MCPH1: variants seen among roughly 807,000 people sequenced by gnomAD.
MCPH1 encodes microcephalin 1.
A neutral mutation model predicts 84.5 loss-of-function variants in MCPH1; 104 were observed. That is an observed-to-expected ratio of 1.23 (90% CI 1.05 to 1.45). The LOEUF (loss-of-function observed/expected upper bound fraction) is 1.45, where lower values mean the gene tolerates loss of function less well. Among genes scored for constraint, MCPH1 ranks in the 40% most tolerant of loss-of-function variants. MCPH1 has a pLI of 0.00. For missense variants in MCPH1, 1,498 were observed against 1,005.7 expected, an observed-to-expected ratio of 1.49 and a Z score of -6.62; for synonymous variants, 514 against 366.8, an observed-to-expected ratio of 1.40 and a Z score of -4.58.
chr8:6,430,687 T>C (rs1801717484), intron 3 of MCPH1, among the ~76,000 whole-genome samples: 1 of 152,130 alleles, frequency 6.6e-6, no homozygotes, highest in South Asian at 2.1e-4. Flanking sequence ...TGAGGGATAG[T>C]TGGAGAGGTG....
At position 6,621,423 on chromosome 8, in the gene MCPH1, C is replaced by T. The variant is rs753955316; in HGVS notation, c.2215-31C>T. ...GCTATGGAGACTGGAGTGGTCCCAC[C>T]TCTGTAATTCTATCTCTGTCTGCCC... On this transcript the variant is annotated intron_variant, in intron 12 of 13. Transcript: ENST00000344683. The T allele has an allele frequency of 2.5e-6, 4 of 1,612,716 alleles. No homozygotes were observed. In the South Asian group the frequency reaches 3.3e-5, roughly 13 times the overall value.
chr8:6,606,515 G>A (rs112376594), intron 12 of MCPH1, among the ~76,000 whole-genome samples: 9 of 152,254 alleles, frequency 5.9e-5, no homozygotes, highest in African/African-American at 1.4e-4. Context: ...CCCTAGGTCC[G>A]GCAGCATAAA....
Position 6,520,411 on chromosome 8 carries a change from C to A in MCPH1, c.2214+20482C>A, listed in dbSNP as rs574456063. Among the ~76,000 whole-genome samples the A allele has an allele frequency of 2.0e-5, 3 of 152,242 alleles. No individual in the cohort carries two copies. In the South Asian group the frequency reaches 6.2e-4, roughly 32 times the overall value. ...ATCTGTATCATGACCCCATTGCCTG[C>A]CCCTTCAGGCCATTATCCCACTGAG... On this transcript the variant is annotated intron_variant, in intron 12 of 13. Transcript: ENST00000344683.
rs75521833 is a variant in MCPH1, at chr8:6,602,322, G to A, written c.2215-19132G>A. On this transcript the variant is annotated intron_variant, in intron 12 of 13. Transcript: ENST00000344683. ...GAGGGACCGTCCTTGCATTCTGTGCGGATTTCTATGGCAATGACATGGAGG... is the reference window on the plus strand; with the variant it reads ...GAGGGACCGTCCTTGCATTCTGTGCAGATTTCTATGGCAATGACATGGAGG... Among the ~76,000 whole-genome samples the A allele has an allele frequency of 7.1e-3, 1,079 of 152,314 alleles. 2 individuals carry two copies. The highest frequency in any genetic ancestry group is 8.7e-3 in the Non-Finnish European group (593 of 68,030).
At chr8:6,434,998 G>T (rs190571442) in intron 4 of MCPH1, among the ~76,000 whole-genome samples, 1 of 152,178 alleles carries the variant, frequency 6.6e-6, no homozygotes, top group Non-Finnish European at 1.5e-5. Context: ...GGCTGGGAAC[G>T]TGAGGTGTGT....
At chr8:6,626,999 G>C (rs1330929637) in intron 13 of MCPH1, 1 of 982,072 alleles carries the variant, frequency 1.0e-6, no homozygotes, top group African/African-American at 1.8e-5. Flanking sequence ...AAAAAAAAAA[G>C]TTTAGCCTCC....
intron 8 of MCPH1, among the ~76,000 whole-genome samples, chr8:6,448,676 A>T (rs1166898952): frequency 6.6e-6 from 1 of 152,140 alleles, no homozygotes; most frequent in Non-Finnish European, 1.5e-5. Context: ...TTTTAAGAGA[A>T]TTTTTTGCAT....
chr8:6,624,873 ACTT>A, intron 13 of MCPH1: 1 of 975,680 alleles, frequency 1.0e-6, no homozygotes, highest in Non-Finnish European at 1.2e-6. Context: ...CAAATCATAT[ACTT>A]TTTTTTTTTT....
chr8:6,479,880 T>G (rs1808964825), intron 10 of MCPH1, among the ~76,000 whole-genome samples: 1 of 152,166 alleles, frequency 6.6e-6, no homozygotes, highest in Non-Finnish European at 1.5e-5. Context: ...TCATGAGCTT[T>G]GTGACAAATA....
intron 12 of MCPH1, among the ~76,000 whole-genome samples, chr8:6,533,352 G>A (rs1303354903): frequency 6.6e-6 from 1 of 152,204 alleles, no homozygotes; most frequent in Admixed American, 6.5e-5. Context: ...CAAGACAACT[G>A]AGTACGTGGG....
intron 13 of MCPH1, among the ~76,000 whole-genome samples, chr8:6,631,669 C>T (rs531655103): frequency 1.4e-5 from 2 of 146,416 alleles, no homozygotes; most frequent in Non-Finnish European, 3.0e-5. Context: ...AAAAAAAAAA[C>T]CCAGAAAATA....
At chr8:6,498,504 A>T (rs1188010515) in intron 11 of MCPH1, among the ~76,000 whole-genome samples, 1 of 152,166 alleles carries the variant, frequency 6.6e-6, no homozygotes, top group East Asian at 1.9e-4. Context: ...TTAGCTTCTT[A>T]TGGTTTTGTT....
chr8:6,606,582 A>G (rs2515550), intron 12 of MCPH1, among the ~76,000 whole-genome samples: 98,047 of 152,126 alleles, frequency 0.64, 34,013 homozygotes, highest in Non-Finnish European at 0.8. Flanking sequence ...GCCCCCTCCC[A>G]CACAGGGAGC....
At chr8:6,561,079 A>G (rs146833138) in intron 12 of MCPH1, among the ~76,000 whole-genome samples, 11 of 152,344 alleles carry the variant, frequency 7.2e-5, no homozygotes, top group South Asian at 2.1e-4. Context: ...CAAGTTAAGC[A>G]GATATTTAGG....
chr8:6,610,952 T>C (rs1224453202), intron 12 of MCPH1, among the ~76,000 whole-genome samples: 1 of 152,184 alleles, frequency 6.6e-6, no homozygotes. Context: ...AATGAATCCA[T>C]GCGCTTGTGG....
intron 12 of MCPH1, among the ~76,000 whole-genome samples, chr8:6,611,690 C>T (rs1372922174): frequency 6.6e-6 from 1 of 152,198 alleles, no homozygotes; most frequent in African/African-American, 2.4e-5. Flanking sequence ...GCCATCTCAG[C>T]TCCCTGCAAG....
chr8:6,544,490 A>G (rs746609589), intron 12 of MCPH1, among the ~76,000 whole-genome samples: 2 of 152,200 alleles, frequency 1.3e-5, no homozygotes, highest in African/African-American at 4.8e-5. Context: ...TGTTACGTCA[A>G]ACTGTTTTTT....
chr8:6,436,708 G>A (rs1011751744), intron 5 of MCPH1, among the ~76,000 whole-genome samples: 5 of 151,610 alleles, frequency 3.3e-5, no homozygotes, highest in Admixed American at 2.0e-4. Flanking sequence ...AGTGGCTCAC[G>A]CCTGTAATCC....
At chr8:6,623,053 A>G (rs1184526136) in intron 13 of MCPH1, among the ~76,000 whole-genome samples, 2 of 103,862 alleles carry the variant, frequency 1.9e-5, no homozygotes, top group Non-Finnish European at 3.7e-5. Flanking sequence ...GGGTCTCCCT[A>G]TGTTGCCCAG....
Sources: allele counts gnomAD v4.1 joint callset (sites outside exome capture counted in the v4.1 genomes callset), GRCh38; gene constraint gnomAD v4.1.1; transcripts MANE v1.5; gene names NCBI Gene and HGNC (gene_info 2026-07-23, HGNC 2026-07-21).